The following SIGLEC1 variants were observed in gnomAD, a reference collection of about 807,000 sequenced individuals.
SIGLEC1 encodes the protein sialic acid binding Ig like lectin 1.
Under a neutral mutation model 148.0 loss-of-function variants are expected in SIGLEC1, and 132 were observed. The ratio of observed to expected loss-of-function variants is 0.89; its 90% CI spans 0.77 to 1.03. SIGLEC1 has a LOEUF of 1.03. Ranked by LOEUF, SIGLEC1 falls within the 50% of genes least tolerant of loss-of-function variation. The pLI, the probability that SIGLEC1 is intolerant of heterozygous loss-of-function variation, is 0.00. For synonymous variants in SIGLEC1, 945 were observed against 969.0 expected (o/e 0.98, Z 0.46); for missense variants, 2,253 against 2,271.4 (o/e 0.99, Z 0.16).
chr20:3,697,370 A>T (rs2087811541), intron 9 of SIGLEC1, 28 bp from the exon 10 acceptor site: 2 of 1,610,132 alleles, frequency 1.2e-6, no homozygotes, highest in Non-Finnish European at 1.7e-6. Context: ...CAGCTTACTG[A>T]CCACCCCCGG....
At chr20:3,696,129 T>TATATACACACACACAC (rs11087599) in intron 11 of SIGLEC1, among the ~76,000 whole-genome samples, 36 of 142,512 alleles carry the variant, frequency 2.5e-4, no homozygotes, top group African/African-American at 9.0e-4. Context: ...ACTATATATA[T>TATATACACACACACAC]ACACACACAC....
chr20:3,694,584 G>C (rs2088803629), intron 12 of SIGLEC1, 52 bp from the exon 13 acceptor site: 2 of 1,560,032 alleles, frequency 1.3e-6, no homozygotes, highest in East Asian at 4.5e-5. Context: ...CCCTCATCCA[G>C]GGCTCTGTCA....
In SIGLEC1 at chr20:3,697,203, A is replaced by T. The variant is rs757350482; in HGVS notation, c.2262T>A (p.Gly754=). ...WFRNGVLWAQ[G]PLETVTLLPV... is the part of the protein sequence containing the mutation. ...GCAGCAGTGTCACGGTCTCCAGGGGACCCTGGGCCCACAGCACCCCATTTC... is the reference window on the plus strand; with the variant it reads ...GCAGCAGTGTCACGGTCTCCAGGGGTCCCTGGGCCCACAGCACCCCATTTC... The change falls in exon 10 of 22, where the codon GGT becomes GGA. Residue 754 remains glycine (G), a synonymous_variant. Transcript: ENST00000344754. 2 of 1,613,724 alleles carry T rather than the reference A, an allele frequency of 1.2e-6. No individual in the cohort carries two copies. Among genetic ancestry groups the T allele is most frequent in the East Asian group, 4.5e-5 (2 of 44,866 alleles).
In SIGLEC1 at chr20:3,698,095, G is replaced by A; in HGVS notation, c.1825C>T (p.Leu609Phe). The A allele has an allele frequency of 1.2e-6, 2 of 1,606,230 alleles. No individual in the cohort carries two copies. The highest frequency in any genetic ancestry group is 1.7e-6 in the Non-Finnish European group (2 of 1,177,720). Residue 609 changes from leucine (L) to phenylalanine (F), a missense_variant, in exon 9 of 22, where the codon CTT becomes TTT. Leu to Phe is a conservative substitution (Grantham distance 22). Coordinates refer to ENST00000344754, the MANE Select transcript of SIGLEC1 (RefSeq NM_023068.4). ...CCAGCCCCGGCCCCAGCGGCATCAA[G>A]GTCCAGCCTGGTGGTGAATGTTGGT... ...RQPTFTTRLD[L>F]DAAGAGAGRR...
rs1474888265 is a variant in SIGLEC1, at chr20:3,694,666, A to T, written c.2941T>A (p.Ser981Thr). 2 of 1,611,488 alleles carry T rather than the reference A, an allele frequency of 1.2e-6. No homozygotes were observed. Among genetic ancestry groups the T allele is most frequent in the Non-Finnish European group, 8.5e-7 (1 of 1,178,508 alleles). ...SLAAPISLHV[S>T]YAPRHVTLTT... ...TGGATGGGACAAAAGTCCTTACAGGACACGTGGAGGCTGATGGGTGCAGCT... is the reference window on the plus strand; with the variant it reads ...TGGATGGGACAAAAGTCCTTACAGGTCACGTGGAGGCTGATGGGTGCAGCT... Residue 981 changes from serine to threonine, a missense_variant, in exon 12 of 22, where the codon TCC (serine) becomes ACC (threonine). Transcript: ENST00000344754.
rs376017240 is a variant in SIGLEC1 at position 3,703,513 on chromosome 20, C to G, written c.974-62G>C. On this transcript the variant is annotated intron_variant, in intron 5 of 21. Transcript: ENST00000344754. Reference sequence around the variant, plus strand: ...GCCAACTTCCAGCCCCAGCCCCATACAGTCCCCGGGTCTCAGCCAATCAGC... The same window carrying G: ...GCCAACTTCCAGCCCCAGCCCCATAGAGTCCCCGGGTCTCAGCCAATCAGC... 2.7e-5 allele frequency: 42 copies of G among 1,528,974 alleles called. 1 individual carries two copies. The South Asian group carries it at 4.7e-4, about 17-fold the overall frequency. The allele number at this position is 1,528,974 out of a possible 1,614,324, so 94.7% of individuals were successfully genotyped here. A position where few individuals can be genotyped will look rare whatever the true frequency, so the allele number is the denominator to read the frequency against.
rs971465377 is a variant in SIGLEC1 at position 3,691,710 on chromosome 20, G to C, written c.4331-110C>G. ...GCACATTGTGGGAAGGTCTCAGTCT[G>C]ACTTGGTATAGGGCTTTCCAAGGTG... On this transcript the variant is annotated intron_variant, in intron 17 of 21. Coordinates refer to ENST00000344754, the MANE Select transcript of SIGLEC1 (RefSeq NM_023068.4). 3.3e-5 allele frequency: 48 copies of C among 1,451,178 alleles called. No homozygotes were observed. In the Admixed American group the frequency reaches 9.1e-4, roughly 28 times the overall value. The allele number at this position is 1,451,178 out of a possible 1,614,324, so 89.9% of individuals were successfully genotyped here.
At chr20:3,694,944 C>T in intron 11 of SIGLEC1, 21 bp from the exon 12 acceptor site, 1 of 1,599,574 alleles carries the variant, frequency 6.3e-7, no homozygotes, top group Non-Finnish European at 8.5e-7. Context: ...AAACCAAGAG[C>T]AGGTGAGGGC....
At chr20:3,693,964 A>T (rs775499910) in intron 13 of SIGLEC1, among the ~76,000 whole-genome samples, 4 of 152,148 alleles carry the variant, frequency 2.6e-5, no homozygotes, top group Non-Finnish European at 4.4e-5. Context: ...TGGGGAGACC[A>T]CAGACCTCCC....
rs965787876 is a variant in SIGLEC1 at position 3,689,378 on chromosome 20, T to C, written c.4998-151A>G. 6 of 749,694 alleles carry C rather than the reference T, an allele frequency of 8.0e-6. No individual in the cohort carries two copies. The Admixed American group carries it at 1.3e-4, about 16-fold the overall frequency. The allele number at this position is 749,694 out of a possible 1,614,324, so 46.4% of individuals were successfully genotyped here. ...TTCCTCTGTCTTCCTCCCTAGCCCT[T>C]GCTTTAGCACAGCCAGGGCAGAGAG... On this transcript the variant is annotated intron_variant, in intron 20 of 21. Coordinates refer to ENST00000344754, the MANE Select transcript of SIGLEC1 (RefSeq NM_023068.4).
chr20:3,691,243 TG>T, intron 18 of SIGLEC1, 96 bp downstream of exon 18: 1 of 1,485,058 alleles, frequency 6.7e-7, no homozygotes, highest in Non-Finnish European at 9.3e-7. Flanking sequence ...TCAATATCCG[TG>T]AAGCCTTCAC....
At chr20:3,697,005 A>C (rs2087806762) in intron 10 of SIGLEC1, 80 bp downstream of exon 10, 4 of 1,561,318 alleles carry the variant, frequency 2.6e-6, no homozygotes, top group Non-Finnish European at 3.5e-6. Flanking sequence ...TTCCTCCCCA[A>C]ACCCCAGCCC....
At chr20:3,697,006 AC>A in intron 10 of SIGLEC1, 78 bp downstream of exon 10, 1 of 1,560,350 alleles carries the variant, frequency 6.4e-7, no homozygotes, top group Non-Finnish European at 8.6e-7. Context: ...TCCTCCCCAA[AC>A]CCCAGCCCGG....
intron 21 of SIGLEC1, 172 bp downstream of exon 21, chr20:3,688,983 C>G (rs548932066): frequency 9.1e-6 from 6 of 659,862 alleles, no homozygotes; most frequent in Middle Eastern, 7.6e-4. Context: ...CCCTCTGCCC[C>G]GAGCAGAACA....
rs1328450710 is a variant in SIGLEC1 at position 3,696,745 on chromosome 20, G to A, written c.2524C>T (p.Pro842Ser). ...AACCGACCATGGGATGGGACCTGGGGACCCAGGCTGGTGGCCAGGAGGTGC... is the reference window on the plus strand; with the variant it reads ...AACCGACCATGGGATGGGACCTGGGAACCCAGGCTGGTGGCCAGGAGGTGC... ...GEHLLATSLG[P>S]QVPSHGRFQA... The change falls in exon 11 of 22, where the codon CCC becomes TCC. Residue 842 changes from proline (P) to serine (S), a missense_variant. Coordinates refer to ENST00000344754, the MANE Select transcript of SIGLEC1 (RefSeq NM_023068.4). 2.5e-6 allele frequency: 4 copies of A among 1,613,514 alleles called. No individual in the cohort carries two copies. Among genetic ancestry groups the A allele is most frequent in the South Asian group, 1.1e-5 (1 of 91,084 alleles).
At chr20:3,702,273 T>C (rs964954618) in intron 6 of SIGLEC1, among the ~76,000 whole-genome samples, 1 of 152,172 alleles carries the variant, frequency 6.6e-6, no homozygotes, top group African/African-American at 2.4e-5. Flanking sequence ...AATGTGAATA[T>C]AGATTATAGC....
In SIGLEC1 at chr20:3,691,351, A is replaced by G; in HGVS notation, c.4580T>C (p.Leu1527Pro). 6.2e-7 allele frequency: 1 copy of G among 1,613,510 alleles called. No individual in the cohort carries two copies. Residue 1527 changes from leucine to proline, a missense_variant, in exon 18 of 22, where the codon CTC (leucine) becomes CCC (proline). Coordinates refer to ENST00000344754, the MANE Select transcript of SIGLEC1 (RefSeq NM_023068.4). Reference sequence around the variant, plus strand: ...GGGTTCACACTCACAGAGCACACGGAGCATGACTGGAGCAGAGGCAGCAGC... The same window carrying G: ...GGGTTCACACTCACAGAGCACACGGGGCATGACTGGAGCAGAGGCAGCAGC... ...TGAAASAPVM[L>P]RVLYPPKTPT... is the part of the protein sequence containing the mutation.
Position 3,689,241 on chromosome 20 carries a change from A to G in SIGLEC1, c.4998-14T>C, listed in dbSNP as rs2146516438. On this transcript the variant is annotated splice_polypyrimidine_tract_variant and intron_variant, in intron 20 of 21. Transcript: ENST00000344754. ...ACACGCCTCCTTCTGCAAGGCCCGG[A>G]GTGGACTCAGAGAGCCTCTCCCCTC... 2 of 1,612,626 alleles carry G rather than the reference A, an allele frequency of 1.2e-6. No individual in the cohort carries two copies. Among genetic ancestry groups the G allele is most frequent in the Non-Finnish European group, 1.7e-6 (2 of 1,178,722 alleles).
At chr20:3,691,244 G>A (rs3859664) in intron 18 of SIGLEC1, 96 bp downstream of exon 18, 543,280 of 1,484,422 alleles carry the variant, frequency 0.37, 102,224 homozygotes, top group Admixed American at 0.53. Flanking sequence ...CAATATCCGT[G>A]AAGCCTTCAC....
Sources: allele counts gnomAD v4.1 joint callset (sites outside exome capture counted in the v4.1 genomes callset), GRCh38; gene constraint gnomAD v4.1.1; transcripts MANE v1.5; gene names NCBI Gene and HGNC (gene_info 2026-07-23, HGNC 2026-07-21).